SLC4A10: variants seen among roughly 807,000 people sequenced by gnomAD.
The protein encoded by SLC4A10 is sodium-driven chloride bicarbonate exchanger.
Under a neutral mutation model 137.7 loss-of-function variants are expected in SLC4A10, and 42 were observed. The observed-to-expected ratio is 0.30, with a 90% CI of 0.24 to 0.39. The LOEUF (loss-of-function observed/expected upper bound fraction) is 0.39, where lower values mean the gene tolerates loss of function less well. Ranked by LOEUF, SLC4A10 falls within the 10% of genes least tolerant of loss-of-function variation. The probability of loss-of-function intolerance (pLI) is 1.00; values close to 1 mark genes in which losing one functional copy is unlikely to be tolerated. For synonymous variants in SLC4A10, 474 were observed against 464.1 expected (o/e 1.02, Z -0.27); for missense variants, 925 against 1,355.0 (o/e 0.68, Z 4.98).
intron 3 of SLC4A10, among the ~76,000 whole-genome samples, chr2:161,827,126 CTTTT>C (rs1481330907): frequency 6.6e-6 from 1 of 152,126 alleles, no homozygotes; most frequent in African/African-American, 2.4e-5. Flanking sequence ...TTTTCCGATT[CTTTT>C]GTTAACTTAT....
chr2:161,647,725 A>G (rs1237699016), intron 1 of SLC4A10, among the ~76,000 whole-genome samples: 2 of 152,204 alleles, frequency 1.3e-5, no homozygotes, highest in Non-Finnish European at 2.9e-5. Context: ...ATTCTCTTTC[A>G]AACTGTTTTC....
intron 1 of SLC4A10, among the ~76,000 whole-genome samples, chr2:161,723,189 T>A (rs774867322): frequency 1.3e-5 from 2 of 152,148 alleles, no homozygotes; most frequent in Non-Finnish European, 2.9e-5. Flanking sequence ...CATGGGTTCA[T>A]GAGGGGATCT....
At chr2:161,657,704 A>T (rs1367884160) in intron 1 of SLC4A10, among the ~76,000 whole-genome samples, 2 of 152,076 alleles carry the variant, frequency 1.3e-5, no homozygotes, top group African/African-American at 4.8e-5. Flanking sequence ...TAAATTGTTA[A>T]CATAGGGAGA....
Position 161,770,980 on chromosome 2 carries a change from A to G in SLC4A10, c.56A>G (p.Asp19Gly). 2 of 1,603,982 alleles carry G rather than the reference A, an allele frequency of 1.2e-6. No homozygotes were observed. The highest frequency in any genetic ancestry group is 1.1e-5 in the South Asian group (1 of 89,520). ...QMEPLLPTRN[D>G]EEAVVDRGGT... ...CTTATCCTCATTTAACAGAGAAATGATGAAGAAGCAGTTGTGGATAGAGGT... is the reference window on the plus strand; with the variant it reads ...CTTATCCTCATTTAACAGAGAAATGGTGAAGAAGCAGTTGTGGATAGAGGT... The change falls in exon 2 of 27, where the codon GAT (aspartate) becomes GGT (glycine). Residue 19 changes from aspartate (D) to glycine (G), a missense_variant. Asp to Gly is a moderately conservative substitution (Grantham distance 94). This residue lies in a region of SLC4A10 where 138 missense variants were observed against 171.3 expected (regional missense o/e 0.81). Transcript: ENST00000446997.
At chr2:161,859,603 T>C (rs1341720207) in intron 5 of SLC4A10, among the ~76,000 whole-genome samples, 6 of 121,442 alleles carry the variant, frequency 4.9e-5, no homozygotes, top group African/African-American at 1.3e-4. Context: ...TCTTTTTTTT[T>C]TTTTTTTTTT....
intron 15 of SLC4A10, among the ~76,000 whole-genome samples, chr2:161,933,372 CTCTT>C (rs1306611808): frequency 6.8e-6 from 1 of 146,138 alleles, no homozygotes; most frequent in Non-Finnish European, 1.5e-5. Flanking sequence ...CTCTCTTTCT[CTCTT>C]TGTTTCTCCC....
intron 3 of SLC4A10, among the ~76,000 whole-genome samples, chr2:161,812,788 C>T (rs115259161): frequency 0.013 from 1,974 of 152,018 alleles, 46 homozygotes; most frequent in African/African-American, 0.046. Flanking sequence ...TAGTTGATTC[C>T]ATGTCTTTGC....
At chr2:161,627,485 A>G (rs1285742347) in intron 1 of SLC4A10, among the ~76,000 whole-genome samples, 1 of 152,136 alleles carries the variant, frequency 6.6e-6, no homozygotes, top group Non-Finnish European at 1.5e-5. Flanking sequence ...AAGTATGTCA[A>G]ATGAGTGAAT....
At position 161,855,116 on chromosome 2, in the gene SLC4A10, T is replaced by C; in HGVS notation, c.563T>C (p.Leu188Ser). The change falls in exon 5 of 27, where the codon TTA becomes TCA. Residue 188 changes from leucine (L) to serine (S), a missense_variant. By Grantham distance (145) the Leu-to-Ser change is moderately radical. Coordinates refer to ENST00000446997, the MANE Select transcript of SLC4A10 (RefSeq NM_001178015.2). ...TVLLDMHANT[L>S]EEIADMVLDQ... Reference sequence around the variant, plus strand: ...TTGCTGGACATGCATGCCAACACTTTAGAAGAAATTGCAGGTATATCTTTT... The same window carrying C: ...TTGCTGGACATGCATGCCAACACTTCAGAAGAAATTGCAGGTATATCTTTT... 1.9e-6 allele frequency: 3 copies of C among 1,608,670 alleles called. No homozygotes were observed. The South Asian group carries it at 3.3e-5, about 18-fold the overall frequency.
chr2:161,768,131 C>A (rs959446745), intron 1 of SLC4A10, among the ~76,000 whole-genome samples: 4 of 151,978 alleles, frequency 2.6e-5, no homozygotes, highest in African/African-American at 9.7e-5. Context: ...AACAAATACT[C>A]TGATTTTGAA....
chr2:161,742,917 G>A (rs1286984789), intron 1 of SLC4A10, among the ~76,000 whole-genome samples: 3 of 152,098 alleles, frequency 2.0e-5, no homozygotes, highest in Admixed American at 2.0e-4. Context: ...TGTATCTTCT[G>A]TTGAGAAATG....
chr2:161,975,563 T>C (rs893094420), intron 24 of SLC4A10, among the ~76,000 whole-genome samples: 2 of 152,184 alleles, frequency 1.3e-5, no homozygotes, highest in Non-Finnish European at 1.5e-5. Context: ...TGCTTTGAAT[T>C]ACCAGGAAAC....
At chr2:161,921,572 T>C (rs1411787199) in intron 15 of SLC4A10, among the ~76,000 whole-genome samples, 1 of 152,226 alleles carries the variant, frequency 6.6e-6, no homozygotes, top group African/African-American at 2.4e-5. Context: ...ATTGATTCAC[T>C]TGTTCAACAA....
chr2:161,900,715 C>T (rs1353508394), intron 11 of SLC4A10, among the ~76,000 whole-genome samples, 196 bp from the exon 12 acceptor site: 3 of 151,930 alleles, frequency 2.0e-5, no homozygotes, highest in African/African-American at 7.3e-5. Context: ...GTTGTTACCC[C>T]CAGTAAACAA....
intron 4 of SLC4A10, among the ~76,000 whole-genome samples, chr2:161,852,981 T>G (rs1165575712): frequency 6.6e-6 from 1 of 152,248 alleles, no homozygotes; most frequent in Admixed American, 6.5e-5. Context: ...AGACACTTTA[T>G]GTAATACTAT....
In SLC4A10 at chr2:161,804,271, T is replaced by G. The variant is rs148684413; in HGVS notation, c.131-178T>G. Among the ~76,000 whole-genome samples the G allele has an allele frequency of 2.7e-3, 416 of 152,298 alleles. 8 individuals carry two copies. Among genetic ancestry groups the G allele is most frequent in the East Asian group, 5.6e-3 (29 of 5,190 alleles). The stretch of plus-strand genomic sequence containing the variant: ...ATACATGTTTGTGATAGAGCTATGG[T>G]ACACTTAATTAGGTAAAATGCCAAA... On this transcript the variant is annotated intron_variant, in intron 2 of 26. Transcript: ENST00000446997.
chr2:161,795,694 T>G (rs1010417547), intron 2 of SLC4A10, among the ~76,000 whole-genome samples: 1 of 152,174 alleles, frequency 6.6e-6, no homozygotes, highest in Admixed American at 6.6e-5. Flanking sequence ...ATCGGAAAGT[T>G]ACTTTTTTGA....
chr2:161,711,102 T>G (rs1210430342), intron 1 of SLC4A10, among the ~76,000 whole-genome samples: 1 of 151,808 alleles, frequency 6.6e-6, no homozygotes, highest in African/African-American at 2.4e-5. Flanking sequence ...TATTGAAAAT[T>G]GCATTAAAGA....
intron 1 of SLC4A10, among the ~76,000 whole-genome samples, chr2:161,627,722 G>A (rs973134070): frequency 6.6e-6 from 1 of 152,078 alleles, no homozygotes; most frequent in African/African-American, 2.4e-5. Flanking sequence ...CACTCCAAGG[G>A]TTAGGGCGTT....
Sources: allele counts gnomAD v4.1 joint callset (sites outside exome capture counted in the v4.1 genomes callset), GRCh38; gene constraint gnomAD v4.1.1; regional missense constraint gnomAD v4.1.1; transcripts MANE v1.5; gene names NCBI Gene and HGNC (gene_info 2026-07-23, HGNC 2026-07-21).